Variants in ELFN2 observed in about 807,000 individuals in gnomAD.
ELFN2 encodes the protein extracellular leucine rich repeat and fibronectin type III domain containing 2, also known as protein phosphatase 1 regulatory subunit 29.
In ELFN2, 17 loss-of-function variants were observed where a neutral mutation model predicts 45.5. The observed-to-expected ratio is 0.37, with a 90% CI of 0.26 to 0.56. The LOEUF (loss-of-function observed/expected upper bound fraction) is 0.56. Ranked by LOEUF, ELFN2 falls within the 20% of genes least tolerant of loss-of-function variation. The pLI, the probability that ELFN2 is intolerant of heterozygous loss-of-function variation, is 0.77. For missense variants in ELFN2, 922 were observed against 1,183.2 expected, an observed-to-expected ratio of 0.78 and a Z score of 3.24; for synonymous variants, 550 against 551.5, an observed-to-expected ratio of 1.00 and a Z score of 0.04.
downstream of ELFN2, among the ~76,000 whole-genome samples, chr22:37,365,021 G>A (rs528933263): frequency 3.3e-5 from 5 of 152,342 alleles, no homozygotes; most frequent in South Asian, 8.3e-4. Context: ...TGGGGCAGGG[G>A]TCCAGGACAG....
intron 2 of ELFN2, among the ~76,000 whole-genome samples, chr22:37,377,397 C>T (rs931540340): frequency 5.9e-5 from 9 of 152,220 alleles, no homozygotes; most frequent in African/African-American, 2.2e-4. Flanking sequence ...CGTTTGGACA[C>T]AGAAAGCCAG....
intron 2 of ELFN2, among the ~76,000 whole-genome samples, chr22:37,379,984 T>C (rs1287812524): frequency 1.3e-5 from 2 of 152,174 alleles, no homozygotes; most frequent in African/African-American, 2.4e-5. Flanking sequence ...TGACAGCCGC[T>C]GTTGTTAATG....
At chr22:37,426,073 G>GACAC (rs141398002) in intron 1 of ELFN2, among the ~76,000 whole-genome samples, 1 of 151,018 alleles carries the variant, frequency 6.6e-6, no homozygotes, top group Admixed American at 6.6e-5. Flanking sequence ...CCGCAGCCCA[G>GACAC]ACACACACAC....
chr22:37,401,584 C>A (rs527906831), intron 2 of ELFN2, among the ~76,000 whole-genome samples: 2 of 152,198 alleles, frequency 1.3e-5, no homozygotes, highest in African/African-American at 2.4e-5. Context: ...TCAGGAAACA[C>A]GGCCCCAGCT....
In ELFN2 at chr22:37,425,870, T is replaced by TACACACACACACAC. The variant is rs133723; in HGVS notation, c.-614+1414_-614+1427dup. On this transcript the variant is annotated intron_variant, in intron 1 of 2. Transcript: ENST00000402918. ...GGGGTGTCAGCCATGCACATACACA[T>TACACACACACACAC]ACACACACACACACACACACACACA... Among the ~76,000 whole-genome samples, 404 of 145,756 alleles carry TACACACACACACAC rather than the reference T, an allele frequency of 2.8e-3. 3 individuals are homozygous for TACACACACACACAC. The highest frequency in any genetic ancestry group is 7.6e-3 in the African/African-American group (296 of 39,182).
rs560906243 is a variant in ELFN2, at chr22:37,346,424, G to T, written n.149-3721C>A. On this transcript the variant is annotated intron_variant and non_coding_transcript_variant, in intron 1 of 2. Transcript: ENST00000452946. ...TCCCTCCCAACCCAGGCCCTGGGTG[G>T]CCCTGGCAGCTGCTCTGTCCCCACC... Among the ~76,000 whole-genome samples the T allele has an allele frequency of 2.0e-5, 3 of 151,984 alleles. No homozygotes were observed. The East Asian group carries it at 5.8e-4, about 30-fold the overall frequency.
At chr22:37,344,678 G>A (rs1003996996) in intron 1 of ELFN2, among the ~76,000 whole-genome samples, 1 of 152,146 alleles carries the variant, frequency 6.6e-6, no homozygotes, top group African/African-American at 2.4e-5. Flanking sequence ...GAGACTCCAT[G>A]CACGTGGCCC....
rs751868133 is a variant in ELFN2, at chr22:37,373,948, G to A, written c.1587C>T (p.Gly529=). The change falls in exon 3 of 3, where the codon GGC becomes GGT. Residue 529 remains glycine (G), a synonymous_variant. Transcript: ENST00000402918. The part of the protein sequence containing the change: ...DDLPDLENGQ[G]SAAEISTIAK... ...CAATGGTGGAGATCTCTGCAGCCGAGCCCTGGCCGTTCTCGAGGTCCGGGA... is the reference window on the plus strand; with the variant it reads ...CAATGGTGGAGATCTCTGCAGCCGAACCCTGGCCGTTCTCGAGGTCCGGGA... 4 of 1,611,536 alleles carry A rather than the reference G, an allele frequency of 2.5e-6. No homozygotes were observed. Among genetic ancestry groups the A allele is most frequent in the Non-Finnish European group, 3.4e-6 (4 of 1,179,452 alleles).
At chr22:37,405,018 G>A (rs188531963) in intron 2 of ELFN2, among the ~76,000 whole-genome samples, 2 of 151,854 alleles carry the variant, frequency 1.3e-5, no homozygotes, top group East Asian at 3.9e-4. Context: ...TCAGGCCCTG[G>A]GCTGAATCCT....
rs1312767966 is a variant in ELFN2 at position 37,382,848 on chromosome 22, C to G, written c.-462-6852G>C. ...ATTACACCCAGCCACCGTACCTGGC[C>G]CTGATTCCCTTCTTGAACAGCTCTG... On this transcript the variant is annotated intron_variant, in intron 2 of 2. Transcript: ENST00000402918. Among the ~76,000 whole-genome samples, 5 of 152,138 alleles carry G rather than the reference C, an allele frequency of 3.3e-5. No homozygotes were observed. In the South Asian group the frequency reaches 8.3e-4, roughly 25 times the overall value.
intron 1 of ELFN2, among the ~76,000 whole-genome samples, chr22:37,360,598 G>A: frequency 6.6e-6 from 1 of 152,158 alleles, no homozygotes. Context: ...GCTGGCACAG[G>A]GACAGCTCAG....
At chr22:37,366,678 G>A (rs530445327), downstream of ELFN2, among the ~76,000 whole-genome samples, 4 of 152,302 alleles carry the variant, frequency 2.6e-5, no homozygotes, top group Admixed American at 6.5e-5. Flanking sequence ...ACCTCTCTGC[G>A]CCTCCCACAA....
At chr22:37,389,345 A>T (rs1932035492) in intron 2 of ELFN2, among the ~76,000 whole-genome samples, 2 of 151,770 alleles carry the variant, frequency 1.3e-5, no homozygotes, top group African/African-American at 4.8e-5. Flanking sequence ...ACACCCCACC[A>T]TGTCCCCTCG....
At chr22:37,343,146 C>A (rs568429891) in intron 1 of ELFN2, among the ~76,000 whole-genome samples, 8 of 152,254 alleles carry the variant, frequency 5.3e-5, no homozygotes, top group African/African-American at 1.9e-4. Context: ...ACAGTGAGGC[C>A]ACAGCAGGGC....
intron 2 of ELFN2, among the ~76,000 whole-genome samples, chr22:37,406,694 C>T (rs1932509777): frequency 6.6e-6 from 1 of 152,272 alleles, no homozygotes; most frequent in African/African-American, 2.4e-5. Context: ...ACCATCCTCC[C>T]GGGCATTAGG....
At chr22:37,390,905 G>A (rs1211709816) in intron 2 of ELFN2, among the ~76,000 whole-genome samples, 3 of 152,180 alleles carry the variant, frequency 2.0e-5, no homozygotes, top group Admixed American at 6.5e-5. Flanking sequence ...CAGAGACCTG[G>A]GAGAAGAGAA....
chr22:37,376,527 C>A (rs1931591308), intron 2 of ELFN2, among the ~76,000 whole-genome samples: 1 of 152,246 alleles, frequency 6.6e-6, no homozygotes, highest in South Asian at 2.1e-4. Flanking sequence ...CAGCAAAATG[C>A]CTCCTTTCCT....
chr22:37,418,647 G>C (rs1932784703), intron 1 of ELFN2, among the ~76,000 whole-genome samples: 1 of 146,406 alleles, frequency 6.8e-6, no homozygotes, highest in Non-Finnish European at 1.5e-5. Context: ...CTCCTCTCCT[G>C]TTGGTCACTC....
At chr22:37,345,060 G>A (rs1021454744) in intron 1 of ELFN2, among the ~76,000 whole-genome samples, 13 of 152,310 alleles carry the variant, frequency 8.5e-5, no homozygotes, top group East Asian at 3.9e-4. Context: ...GTCTCCTCTG[G>A]GTCCCACTGC....
Sources: allele counts gnomAD v4.1 joint callset (sites outside exome capture counted in the v4.1 genomes callset), GRCh38; gene constraint gnomAD v4.1.1; transcripts MANE v1.5; gene names NCBI Gene and HGNC (gene_info 2026-07-23, HGNC 2026-07-21).